The following ZNF131 variants were observed in gnomAD, a reference collection of about 807,000 sequenced individuals.
The protein encoded by ZNF131 is zinc finger and BTB domain containing 35, also known as zinc finger protein 131.
A neutral mutation model predicts 60.0 loss-of-function variants in ZNF131; 7 were observed. The observed-to-expected ratio is 0.12, with a 90% confidence interval of 0.07 to 0.22. The LOEUF is 0.22. ZNF131 is among the 10% of genes least tolerant of loss of function. The probability of loss-of-function intolerance (pLI) is 1.00; values close to 1 mark genes in which losing one functional copy is unlikely to be tolerated. For missense variants in ZNF131, 493 were observed against 740.9 expected (o/e 0.67, Z 3.88); for synonymous variants, 257 against 253.2 (o/e 1.01, Z -0.14).
chr5:43,167,706 T>C (rs1379149204), intron 5 of ZNF131, among the ~76,000 whole-genome samples: 3 of 152,182 alleles, frequency 2.0e-5, no homozygotes. Flanking sequence ...AGTGTCAGTG[T>C]CCCTGCCTTC....
chr5:43,134,288 A>G (rs1745734619), intron 3 of ZNF131, among the ~76,000 whole-genome samples: 1 of 152,248 alleles, frequency 6.6e-6, no homozygotes, highest in Non-Finnish European at 1.5e-5. Context: ...GAGTATCTCA[A>G]TAGATGAAGA....
At chr5:43,136,603 T>C (rs79875910) in intron 3 of ZNF131, among the ~76,000 whole-genome samples, 14,290 of 147,478 alleles carry the variant, frequency 0.097, 813 homozygotes, top group East Asian at 0.19. Flanking sequence ...TACAGGTGCG[T>C]GCCACCACCC....
At chr5:43,158,196 G>A (rs1475974206) in intron 4 of ZNF131, among the ~76,000 whole-genome samples, 3 of 152,186 alleles carry the variant, frequency 2.0e-5, no homozygotes, top group Non-Finnish European at 2.9e-5. Flanking sequence ...TCAAACTCCC[G>A]ACCTCAGTTG....
At chr5:43,138,428 A>C (rs1746406112) in intron 3 of ZNF131, among the ~76,000 whole-genome samples, 1 of 152,150 alleles carries the variant, frequency 6.6e-6, no homozygotes, top group Admixed American at 6.5e-5. Context: ...CTGATCGGGC[A>C]GATCACTTGA....
At chr5:43,173,282 T>C in intron 5 of ZNF131, 36 bp from the exon 6 acceptor site, 1 of 1,494,556 alleles carries the variant, frequency 6.7e-7, no homozygotes, top group Non-Finnish European at 9.0e-7. Flanking sequence ...AGGATTTTTC[T>C]TAATTTGCCA....
chr5:43,145,823 C>G (rs1262003159), intron 4 of ZNF131, among the ~76,000 whole-genome samples: 1 of 152,072 alleles, frequency 6.6e-6, no homozygotes, highest in Non-Finnish European at 1.5e-5. Context: ...CAAGAGTTAA[C>G]AGTTTCAACT....
Position 43,175,210 on chromosome 5 carries a change from TA to T in ZNF131, c.*79del. ...TATGGGCAGTTTGACTGTCCTTAAT[TA>T]AGCCTAACAGACAAGTGGACCAAAG... On this transcript the variant is annotated 3_prime_UTR_variant, in exon 7 of 7. Transcript: ENST00000682664. 7.1e-7 allele frequency: 1 copy of T among 1,403,882 alleles called. No homozygotes were observed. Among genetic ancestry groups the T allele is most frequent in the South Asian group, 1.4e-5 (1 of 69,306 alleles). 87.0% of individuals were successfully genotyped at this position (1,403,882 alleles called of 1,614,324 possible). A position where few individuals can be genotyped will look rare whatever the true frequency, so the allele number is the denominator to read the frequency against.
intron 4 of ZNF131, among the ~76,000 whole-genome samples, chr5:43,149,720 T>A (rs890337468): frequency 1.3e-5 from 2 of 152,200 alleles, no homozygotes; most frequent in Non-Finnish European, 2.9e-5. Flanking sequence ...GGCTTTTTTT[T>A]ATTTTAGCTG....
chr5:43,150,287 A>G (rs1364144766), intron 4 of ZNF131, among the ~76,000 whole-genome samples: 2 of 152,250 alleles, frequency 1.3e-5, no homozygotes, highest in Non-Finnish European at 1.5e-5. Context: ...TCTGTTTTCC[A>G]AAGTCCTTTG....
intron 3 of ZNF131, among the ~76,000 whole-genome samples, chr5:43,132,865 A>G (rs1745543469): frequency 6.6e-6 from 1 of 152,134 alleles, no homozygotes; most frequent in Admixed American, 6.6e-5. Flanking sequence ...CTTAAATGAT[A>G]TTCCACCAGC....
chr5:43,144,192 G>A (rs1189686391), intron 4 of ZNF131, among the ~76,000 whole-genome samples: 1 of 148,512 alleles, frequency 6.7e-6, no homozygotes, highest in Admixed American at 6.7e-5. Context: ...AAAGTGCTGG[G>A]ATTACAGGCG....
intron 3 of ZNF131, among the ~76,000 whole-genome samples, chr5:43,128,918 TTTATTTA>T (rs1018555870): frequency 1.3e-5 from 2 of 151,920 alleles, no homozygotes; most frequent in Non-Finnish European, 2.9e-5. Context: ...TCTTTGTATT[TTTATTTA>T]TTATTTATTA....
chr5:43,146,302 G>A (rs1169289999), intron 4 of ZNF131, among the ~76,000 whole-genome samples: 3 of 152,054 alleles, frequency 2.0e-5, no homozygotes, highest in Non-Finnish European at 1.5e-5. Flanking sequence ...TTAAAACTGC[G>A]TATGGCCGGG....
chr5:43,159,675 A>T (rs1183468952), intron 4 of ZNF131, among the ~76,000 whole-genome samples: 1 of 149,036 alleles, frequency 6.7e-6, no homozygotes, highest in Non-Finnish European at 1.5e-5. Flanking sequence ...AGCCTGGGCC[A>T]CAAGAGAGAT....
At position 43,168,727 on chromosome 5, in the gene ZNF131, A is replaced by G. The variant is rs557226999; in HGVS notation, c.1055-4591A>G. On this transcript the variant is annotated intron_variant, in intron 5 of 6. Coordinates refer to ENST00000682664, the MANE Select transcript of ZNF131 (RefSeq NM_001330707.2). ...AGATTGGAGTGGGTTGAAACCTGCT[A>G]GCTCAGTGAGGAATCTTGGAGTCGT... Among the ~76,000 whole-genome samples the G allele has an allele frequency of 2.6e-5, 4 of 152,322 alleles. 1 individual carries two copies. Among genetic ancestry groups the G allele is most frequent in the Non-Finnish European group, 5.9e-5 (4 of 68,036 alleles).
intron 4 of ZNF131, among the ~76,000 whole-genome samples, chr5:43,156,668 T>A (rs1749004158): frequency 6.6e-6 from 1 of 152,218 alleles, no homozygotes; most frequent in Admixed American, 6.5e-5. Flanking sequence ...CCCTGCATAT[T>A]ACTTTGCATT....
chr5:43,145,194 T>C (rs1340111454), intron 4 of ZNF131, among the ~76,000 whole-genome samples: 1 of 152,158 alleles, frequency 6.6e-6, no homozygotes, highest in Non-Finnish European at 1.5e-5. Flanking sequence ...TAAAATCTCT[T>C]TCCTTGCTGT....
intron 3 of ZNF131, among the ~76,000 whole-genome samples, chr5:43,127,896 C>A (rs1281967122): frequency 6.6e-6 from 1 of 152,198 alleles, no homozygotes; most frequent in Non-Finnish European, 1.5e-5. Flanking sequence ...AACCACAGAT[C>A]CATGGCACTT....
Position 43,174,900 on chromosome 5 carries a change from C to T in ZNF131, c.1639C>T (p.Arg547Trp), listed in dbSNP as rs762694171. ...EVHVEELHVE[R>W]VNQMPVEVQT... is the part of the protein sequence containing the mutation. ...ACATGTAGAGGAGCTGCATGTTGAA[C>T]GGGTCAATCAAATGCCAGTGGAAGT... The change falls in exon 7 of 7, where the codon CGG (arginine) becomes TGG (tryptophan). Residue 547 changes from arginine (R) to tryptophan (W), a missense_variant. Physicochemically the swap from Arg to Trp is moderately radical, Grantham distance 101. Around this residue, in one of 7 missense-constraint regions of ZNF131, gnomAD observed 202 missense variants for 221.3 expected, o/e 0.91. Transcript: ENST00000682664. 2 of 1,614,110 alleles carry T rather than the reference C, an allele frequency of 1.2e-6. No homozygotes were observed. The highest frequency in any genetic ancestry group is 1.7e-6 in the Non-Finnish European group (2 of 1,180,040).
Sources: gnomAD v4.1 joint callset for allele counts (sites outside exome capture counted in the v4.1 genomes callset) on GRCh38, gnomAD v4.1.1 for gene constraint, gnomAD v4.1.1 regional missense constraint, MANE v1.5 for transcripts, NCBI Gene and HGNC (gene_info 2026-07-23, HGNC 2026-07-21) for gene names.